The following TRAF2 variants were observed in gnomAD, a reference collection of about 807,000 sequenced individuals.
The protein encoded by TRAF2 is TNF receptor-associated factor 2.
Under a neutral mutation model 55.6 loss-of-function variants are expected in TRAF2, and 6 were observed. The observed-to-expected ratio is 0.11, with a 90% CI of 0.06 to 0.21. The LOEUF is 0.21. TRAF2 is among the 10% of genes least tolerant of loss of function. TRAF2 has a pLI of 1.00. For synonymous variants in TRAF2, 329 were observed against 276.3 expected, an observed-to-expected ratio of 1.19 and a Z score of -1.89; for missense variants, 561 against 684.5, an observed-to-expected ratio of 0.82 and a Z score of 2.01.
At chr9:136,910,379 C>T (rs1198009890) in intron 6 of TRAF2, among the ~76,000 whole-genome samples, 2 of 152,176 alleles carry the variant, frequency 1.3e-5, no homozygotes, top group Non-Finnish European at 2.9e-5. Context: ...AGACTGGGCG[C>T]CCTAGTCTGG....
At chr9:136,920,831 C>T (rs552832559) in intron 8 of TRAF2, among the ~76,000 whole-genome samples, 1 of 152,330 alleles carries the variant, frequency 6.6e-6, no homozygotes, top group Non-Finnish European at 1.5e-5. Flanking sequence ...AGCACGCTTG[C>T]TGGCCCGGAG....
At position 136,898,924 on chromosome 9, in the gene TRAF2, C is replaced by T. The variant is rs1211267221; in HGVS notation, c.184C>T (p.Leu62Phe). The change falls in exon 2 of 11, where the codon CTC becomes TTC. Residue 62 changes from leucine (L) to phenylalanine (F), a missense_variant. Physicochemically the swap from Leu to Phe is conservative, Grantham distance 22 (BLOSUM62 0). This residue lies in a region of TRAF2 where 426 missense variants were observed against 476.8 expected (regional missense o/e 0.89). Coordinates refer to ENST00000247668, the MANE Select transcript of TRAF2 (RefSeq NM_021138.4). ...RYCSFCLASI[L>F]SSGPQNCAAC... Reference sequence around the variant, plus strand: ...CTGCTCCTTCTGCCTGGCCAGCATCCTCAGGTGCATGGGGCCTGCAGGCTG... The same window carrying T: ...CTGCTCCTTCTGCCTGGCCAGCATCTTCAGGTGCATGGGGCCTGCAGGCTG... 4 of 1,605,378 alleles carry T rather than the reference C, an allele frequency of 2.5e-6. No homozygotes were observed. Among genetic ancestry groups the T allele is most frequent in the Non-Finnish European group, 3.4e-6 (4 of 1,176,808 alleles).
chr9:136,905,560 C>T (rs889854798), intron 4 of TRAF2, among the ~76,000 whole-genome samples: 4 of 152,194 alleles, frequency 2.6e-5, no homozygotes, highest in Admixed American at 2.6e-4. Flanking sequence ...CTTAATACCA[C>T]AGAACTGTGC....
intron 10 of TRAF2, among the ~76,000 whole-genome samples, chr9:136,924,884 A>C (rs149768017): frequency 9.9e-5 from 15 of 151,796 alleles, no homozygotes; most frequent in African/African-American, 2.2e-4. Context: ...GACTACAGGC[A>C]TGCACCACCA....
At chr9:136,905,852 C>T (rs991866931) in intron 4 of TRAF2, among the ~76,000 whole-genome samples, 1 of 152,142 alleles carries the variant, frequency 6.6e-6, no homozygotes, top group Non-Finnish European at 1.5e-5. Context: ...CACCTGTAAT[C>T]CCAGCACTTT....
chr9:136,907,953 C>A lies in TRAF2; in HGVS notation c.367-117C>A. ...AGAGCTATCTGCAGAGGGCGGCCCC[C>A]AGGACCAGCATGCGGACACCAAGCC... On this transcript the variant is annotated intron_variant, in intron 4 of 10. Coordinates refer to ENST00000247668, the MANE Select transcript of TRAF2 (RefSeq NM_021138.4). The A allele has an allele frequency of 5.9e-6, 8 of 1,366,004 alleles. No individual in the cohort carries two copies. The South Asian group carries it at 9.6e-5, about 16-fold the overall frequency. 84.6% of individuals were successfully genotyped at this position (1,366,004 alleles called of 1,614,324 possible). A position where few individuals can be genotyped will look rare whatever the true frequency, so the allele number is the denominator to read the frequency against.
intron 6 of TRAF2, among the ~76,000 whole-genome samples, chr9:136,915,655 A>G (rs1209774688): frequency 6.6e-6 from 1 of 151,934 alleles, no homozygotes; most frequent in Non-Finnish European, 1.5e-5. Context: ...GGACCCTGAG[A>G]CCAACCTCCT....
rs1489598772 is a variant in TRAF2, at chr9:136,926,426, G to A, written c.*525G>A. ...AGGGAGCATTCCTAGACCCCTGGGT[G>A]CTTGTCTGCACAGAGCTCTGGTCTG... On this transcript the variant is annotated 3_prime_UTR_variant, in exon 11 of 11. Coordinates refer to ENST00000247668, the MANE Select transcript of TRAF2 (RefSeq NM_021138.4). The A allele has an allele frequency of 3.3e-6, 1 of 298,928 alleles. No individual in the cohort carries two copies. Among genetic ancestry groups the A allele is most frequent in the Non-Finnish European group, 6.7e-6 (1 of 149,766 alleles). The allele number at this position is 298,928 out of a possible 1,614,324, so 18.5% of individuals were successfully genotyped here. A position where few individuals can be genotyped will look rare whatever the true frequency, so the allele number is the denominator to read the frequency against.
In TRAF2 at chr9:136,916,578, T is replaced by G. The variant is rs767539019; in HGVS notation, c.641T>G (p.Val214Gly). 8.1e-6 allele frequency: 13 copies of G among 1,613,730 alleles called. No individual in the cohort carries two copies. The Admixed American group carries it at 2.2e-4, about 27-fold the overall frequency. The change falls in exon 7 of 11, where the codon GTC becomes GGC. Residue 214 changes from valine (V) to glycine (G), a missense_variant. Val to Gly is a moderately radical substitution (Grantham distance 109). Coordinates refer to ENST00000247668, the MANE Select transcript of TRAF2 (RefSeq NM_021138.4). The stretch of plus-strand genomic sequence containing the variant: ...GTCAAGACTTGTGGCAAGTGTCGAG[T>G]CCCTTGCAGATTCCACGCCATCGGC... ...DHVKTCGKCR[V>G]PCRFHAIGCL...
At chr9:136,911,612 G>A (rs1205345864) in intron 6 of TRAF2, among the ~76,000 whole-genome samples, 1 of 151,938 alleles carries the variant, frequency 6.6e-6, no homozygotes, top group African/African-American at 2.4e-5. Context: ...TCAGACTGAG[G>A]GGCCTTTCAG....
chr9:136,910,082 A>G, intron 6 of TRAF2, 88 bp downstream of exon 6: 2 of 1,373,114 alleles, frequency 1.5e-6, no homozygotes, highest in East Asian at 2.5e-5. Context: ...GGGGCAGGTT[A>G]TGACCCTTGT....
At chr9:136,905,791 G>A (rs1208556858) in intron 4 of TRAF2, among the ~76,000 whole-genome samples, 5 of 152,112 alleles carry the variant, frequency 3.3e-5, no homozygotes, top group Non-Finnish European at 5.9e-5. Context: ...GAGCTCAGGA[G>A]TTCAAGACCA....
upstream of TRAF2, among the ~76,000 whole-genome samples, chr9:136,885,247 G>C (rs1309436857): frequency 1.3e-5 from 2 of 152,200 alleles, no homozygotes; most frequent in Non-Finnish European, 2.9e-5. Flanking sequence ...TTCCATCCTT[G>C]AGGAGTCCCG....
chr9:136,887,096 A>AGTGGCTGGGGAGACCCAGGCT (rs1849470444), intron 1 of TRAF2, among the ~76,000 whole-genome samples: 1 of 152,110 alleles, frequency 6.6e-6, no homozygotes, highest in African/African-American at 2.4e-5. Context: ...CTTCCTGCCC[A>AGTGGCTGGGGAGACCCAGGCT]GTGGCTGGGG....
Position 136,900,506 on chromosome 9 carries a change from C to A in TRAF2, c.352C>A (p.Leu118Met). The A allele has an allele frequency of 3.1e-6, 5 of 1,613,978 alleles. No homozygotes were observed. Among genetic ancestry groups the A allele is most frequent in the Non-Finnish European group, 3.4e-6 (4 of 1,179,942 alleles). The change falls in exon 4 of 11, where the codon CTG becomes ATG. Residue 118 changes from leucine (L) to methionine (M), a missense_variant. Physicochemically the swap from Leu to Met is conservative, Grantham distance 15. Around this residue, in one of 2 missense-constraint regions of TRAF2, gnomAD observed 426 missense variants for 476.8 expected, o/e 0.89. Coordinates refer to ENST00000247668, the MANE Select transcript of TRAF2 (RefSeq NM_021138.4). ...TGATGGATGCACCTGGAAGGGGACC[C>A]TGAAAGAATACGAGGTAAAGATGCC... Reference protein sequence around the residue: ...PSDGCTWKGTLKEYESCHEGR... With the variant: ...PSDGCTWKGTMKEYESCHEGR...
chr9:136,925,742 C>G lies in TRAF2; in HGVS notation c.1347C>G (p.Pro449=). 1.9e-6 allele frequency: 3 copies of G among 1,614,254 alleles called. No individual in the cohort carries two copies. Among genetic ancestry groups the G allele is most frequent in the Non-Finnish European group, 2.5e-6 (3 of 1,180,052 alleles). Residue 449 remains proline, a synonymous_variant, in exon 11 of 11, where the codon CCC becomes CCG. Transcript: ENST00000247668. The part of the protein sequence containing the change: ...NREHVIDAFR[P]DVTSSSFQRP... ...AGCACGTGATTGACGCCTTCAGGCC[C>G]GACGTGACTTCATCCTCTTTTCAGA...
chr9:136,909,341 CAG>C (rs1189591808), intron 5 of TRAF2, among the ~76,000 whole-genome samples: 4 of 148,022 alleles, frequency 2.7e-5, no homozygotes, highest in African/African-American at 1.0e-4. Flanking sequence ...ACGATCCATA[CAG>C]GGTTCCTGCC....
In TRAF2 at chr9:136,925,808, C is replaced by G; in HGVS notation, c.1413C>G (p.Leu471=). Residue 471 remains leucine, a synonymous_variant, in exon 11 of 11, where the codon CTC becomes CTG. Coordinates refer to ENST00000247668, the MANE Select transcript of TRAF2 (RefSeq NM_021138.4). ...TGAACATCGCAAGCGGCTGCCCCCT[C>G]TTCTGCCCCGTCTCCAAGATGGAGG... ...NDMNIASGCP[L]FCPVSKMEAK... The G allele has an allele frequency of 6.2e-7, 1 of 1,614,272 alleles. No homozygotes were observed. The highest frequency in any genetic ancestry group is 1.3e-5 in the African/African-American group (1 of 75,080).
At chr9:136,912,685 A>C (rs960910632) in intron 6 of TRAF2, among the ~76,000 whole-genome samples, 1 of 152,132 alleles carries the variant, frequency 6.6e-6, no homozygotes, top group African/African-American at 2.4e-5. Flanking sequence ...GAAAATACAA[A>C]AATTAGCTGG....
Sources: allele counts gnomAD v4.1 joint callset (sites outside exome capture counted in the v4.1 genomes callset), GRCh38; gene constraint gnomAD v4.1.1; regional missense constraint gnomAD v4.1.1; transcripts MANE v1.5; gene names NCBI Gene and HGNC (gene_info 2026-07-23, HGNC 2026-07-21).